Variants in GABRB1 observed in about 807,000 individuals in gnomAD.
GABRB1 encodes gamma-aminobutyric acid type A receptor subunit beta1.
Under a neutral mutation model 51.6 loss-of-function variants are expected in GABRB1, and 17 were observed. That is an observed-to-expected ratio of 0.33 (90% CI 0.23 to 0.49). The LOEUF (loss-of-function observed/expected upper bound fraction) is 0.49. GABRB1 is among the 20% of genes least tolerant of loss of function. The pLI, the probability that GABRB1 is intolerant of heterozygous loss-of-function variation, is 0.99. For missense variants in GABRB1, 410 were observed against 600.6 expected, an observed-to-expected ratio of 0.68 and a Z score of 3.32; for synonymous variants, 247 against 218.9, an observed-to-expected ratio of 1.13 and a Z score of -1.14.
chr4:47,075,080 T>C (rs1228369423), intron 3 of GABRB1, among the ~76,000 whole-genome samples: 3 of 152,180 alleles, frequency 2.0e-5, no homozygotes, highest in Admixed American at 1.3e-4. Context: ...GTCATTTCTG[T>C]TTCACTGAAG....
chr4:47,265,628 G>T (rs1273386937), intron 4 of GABRB1, among the ~76,000 whole-genome samples: 1 of 151,988 alleles, frequency 6.6e-6, no homozygotes, highest in African/African-American at 2.4e-5. Flanking sequence ...TTTAATAATA[G>T]GTGTTCTGAC....
intron 4 of GABRB1, among the ~76,000 whole-genome samples, chr4:47,215,098 G>A (rs566555878): frequency 6.6e-6 from 1 of 152,170 alleles, no homozygotes; most frequent in African/African-American, 2.4e-5. Flanking sequence ...GTGTCATGGT[G>A]GGACTTGTAT....
intron 4 of GABRB1, among the ~76,000 whole-genome samples, chr4:47,301,081 C>G (rs537171783): frequency 2.6e-4 from 40 of 151,902 alleles, no homozygotes; most frequent in African/African-American, 9.2e-4. Flanking sequence ...AAAAAAGAAA[C>G]AAAAATCAGT....
intron 3 of GABRB1, among the ~76,000 whole-genome samples, chr4:47,066,869 G>A (rs1044004965): frequency 2.0e-5 from 3 of 152,148 alleles, no homozygotes; most frequent in Admixed American, 6.5e-5. Flanking sequence ...CTAGAATGGT[G>A]AATCCTTTCC....
chr4:47,097,151 C>G (rs1312037241), intron 3 of GABRB1, among the ~76,000 whole-genome samples: 2 of 152,202 alleles, frequency 1.3e-5, no homozygotes, highest in African/African-American at 4.8e-5. Context: ...TGCCTTCCTA[C>G]CTCTCTCAGA....
intron 3 of GABRB1, among the ~76,000 whole-genome samples, chr4:47,120,053 A>G (rs1715700473): frequency 6.6e-6 from 1 of 152,196 alleles, no homozygotes; most frequent in Admixed American, 6.5e-5. Flanking sequence ...AAAACTGGAT[A>G]AACAAAAATA....
intron 4 of GABRB1, among the ~76,000 whole-genome samples, chr4:47,183,793 A>T (rs1719055945): frequency 6.6e-6 from 1 of 151,798 alleles, no homozygotes. Context: ...GTTCTATTCC[A>T]CTTTGAGGTC....
intron 3 of GABRB1, among the ~76,000 whole-genome samples, chr4:47,067,717 A>T (rs1727149245): frequency 6.6e-6 from 1 of 151,392 alleles, no homozygotes; most frequent in South Asian, 2.1e-4. Context: ...TTTTATTTTT[A>T]TTTATTTATT....
At chr4:47,257,448 T>C (rs1722256891) in intron 4 of GABRB1, among the ~76,000 whole-genome samples, 1 of 152,070 alleles carries the variant, frequency 6.6e-6, no homozygotes, top group African/African-American at 2.4e-5. Flanking sequence ...CTAACTGATA[T>C]AATTACTCAA....
At chr4:47,017,863 C>T (rs1459563872) in intron 1 of GABRB1, among the ~76,000 whole-genome samples, 4 of 152,082 alleles carry the variant, frequency 2.6e-5, no homozygotes, top group African/African-American at 7.2e-5. Flanking sequence ...AACTTGTTAT[C>T]CTCTTTTAGA....
At chr4:47,297,634 A>T (rs1426587584) in intron 4 of GABRB1, among the ~76,000 whole-genome samples, 1 of 152,176 alleles carries the variant, frequency 6.6e-6, no homozygotes, top group Non-Finnish European at 1.5e-5. Flanking sequence ...CCAACCAAAA[A>T]GAGTCCAGGA....
In GABRB1 at chr4:47,096,395, T is replaced by C. The variant is rs372190354; in HGVS notation, c.240+63911T>C. 2.0e-4 allele frequency among the ~76,000 whole-genome samples: 30 copies of C among 152,188 alleles called. 1 individual carries two copies. Among genetic ancestry groups the C allele is most frequent in the African/African-American group, 6.7e-4 (28 of 41,526 alleles). Reference sequence around the variant, plus strand: ...AACTAAGCCGATCCCTGCAAAGTGTTTGTGGTTTTAAAAAGAGAATGAGGC... The same window carrying C: ...AACTAAGCCGATCCCTGCAAAGTGTCTGTGGTTTTAAAAAGAGAATGAGGC... On this transcript the variant is annotated intron_variant, in intron 3 of 8. Transcript: ENST00000295454.
At chr4:47,314,900 A>G (rs1724830444) in intron 4 of GABRB1, among the ~76,000 whole-genome samples, 1 of 151,998 alleles carries the variant, frequency 6.6e-6, no homozygotes, top group Admixed American at 6.6e-5. Flanking sequence ...TGGATTAAAG[A>G]CTTAAATGTA....
At chr4:47,245,549 G>A (rs1444467861) in intron 4 of GABRB1, among the ~76,000 whole-genome samples, 1 of 152,130 alleles carries the variant, frequency 6.6e-6, no homozygotes, top group Non-Finnish European at 1.5e-5. Context: ...AGTGGAGAAG[G>A]TGAGTGCCTG....
chr4:47,011,164 G>A (rs1164729761), intron 1 of GABRB1, among the ~76,000 whole-genome samples: 2 of 152,176 alleles, frequency 1.3e-5, no homozygotes, highest in African/African-American at 4.8e-5. Flanking sequence ...AAATGCAGCT[G>A]TGTGGGAAAC....
At chr4:47,277,046 T>G (rs1362668555) in intron 4 of GABRB1, among the ~76,000 whole-genome samples, 2 of 152,122 alleles carry the variant, frequency 1.3e-5, no homozygotes, top group African/African-American at 4.8e-5. Context: ...TTTACATCTT[T>G]ACACTAATAT....
Position 47,187,908 on chromosome 4 carries a change from A to G in GABRB1, c.461+26439A>G, listed in dbSNP as rs143254805. On this transcript the variant is annotated intron_variant, in intron 4 of 8. Coordinates refer to ENST00000295454, the MANE Select transcript of GABRB1 (RefSeq NM_000812.4). Reference sequence around the variant, plus strand: ...CGGAAGGCTCTTTCTCCAGATATCCACAAAGCCAGCTACTTTACTTCATTC... The same window carrying G: ...CGGAAGGCTCTTTCTCCAGATATCCGCAAAGCCAGCTACTTTACTTCATTC... Among the ~76,000 whole-genome samples, 676 of 151,996 alleles carry G rather than the reference A, an allele frequency of 4.4e-3. 6 individuals carry two copies. Among genetic ancestry groups the G allele is most frequent in the African/African-American group, 0.015 (636 of 41,512 alleles).
At chr4:47,245,076 CAACA>C (rs1477859397) in intron 4 of GABRB1, among the ~76,000 whole-genome samples, 1 of 151,852 alleles carries the variant, frequency 6.6e-6, no homozygotes, top group Admixed American at 6.6e-5. Context: ...TTGAAAAGAT[CAACA>C]AAATTGATAG....
chr4:47,129,861 A>T (rs951660995), intron 3 of GABRB1, among the ~76,000 whole-genome samples: 2 of 152,216 alleles, frequency 1.3e-5, no homozygotes, highest in African/African-American at 4.8e-5. Flanking sequence ...AAAGTATGTC[A>T]GTAGAGAAGA....
Sources: gnomAD v4.1 joint callset for allele counts (sites outside exome capture counted in the v4.1 genomes callset) on GRCh38, gnomAD v4.1.1 for gene constraint, MANE v1.5 for transcripts, NCBI Gene and HGNC (gene_info 2026-07-23, HGNC 2026-07-21) for gene names.